ANKIB1: variants seen among roughly 807,000 people sequenced by gnomAD.
ANKIB1 encodes ankyrin repeat and IBR domain containing 1.
A neutral mutation model predicts 122.1 loss-of-function variants in ANKIB1; 43 were observed. The ratio of observed to expected loss-of-function variants is 0.35; its 90% CI spans 0.28 to 0.45. ANKIB1 has a LOEUF of 0.45. Ranked by LOEUF, ANKIB1 falls within the 20% of genes least tolerant of loss-of-function variation. The pLI is 1.00. For synonymous variants in ANKIB1, 390 were observed against 442.0 expected (o/e 0.88, Z 1.48); for missense variants, 992 against 1,329.5 (o/e 0.75, Z 3.95).
rs374371853 is a variant in ANKIB1 at position 92,370,981 on chromosome 7, T to C, written c.1487-496T>C. The stretch of plus-strand genomic sequence containing the variant: ...GATGCTTAGTTTTAGATATGTCACA[T>C]TGAATTAATTTTAAGCTTATCCAGA... On this transcript the variant is annotated intron_variant, in intron 10 of 19. Transcript: ENST00000265742. Among the ~76,000 whole-genome samples the C allele has an allele frequency of 7.2e-5, 11 of 152,288 alleles. 1 individual carries two copies. The highest frequency in any genetic ancestry group is 1.4e-4 in the African/African-American group (6 of 41,564).
Position 92,375,934 on chromosome 7 carries a change from C to G in ANKIB1, c.1617+4327C>G, listed in dbSNP as rs183928934. ...TGTTAGCAGACATTAAAACAACATTCATTTCCTTGTACATCTCCATCAGAG... is the reference window on the plus strand; with the variant it reads ...TGTTAGCAGACATTAAAACAACATTGATTTCCTTGTACATCTCCATCAGAG... On this transcript the variant is annotated intron_variant, in intron 11 of 19. Coordinates refer to ENST00000265742, the MANE Select transcript of ANKIB1 (RefSeq NM_019004.2). Among the ~76,000 whole-genome samples, 10 of 152,354 alleles carry G rather than the reference C, an allele frequency of 6.6e-5. No homozygotes were observed. The East Asian group carries it at 1.9e-3, about 29-fold the overall frequency.
At chr7:92,272,850 A>G (rs959794678) in intron 1 of ANKIB1, among the ~76,000 whole-genome samples, 5 of 152,194 alleles carry the variant, frequency 3.3e-5, no homozygotes, top group Admixed American at 6.5e-5. Context: ...ATAGCCTGCT[A>G]TACACCCAGG....
chr7:92,274,407 G>A (rs1440838211), intron 1 of ANKIB1, among the ~76,000 whole-genome samples: 1 of 152,106 alleles, frequency 6.6e-6, no homozygotes, highest in Admixed American at 6.5e-5. Flanking sequence ...AAATTCCACT[G>A]TAATAAGGTA....
At chr7:92,343,255 C>A in intron 6 of ANKIB1, 23 bp downstream of exon 6, 1 of 1,578,048 alleles carries the variant, frequency 6.3e-7, no homozygotes. Flanking sequence ...ATTCACTGTA[C>A]TTCTCATAGC....
chr7:92,318,177 A>G (rs767487457), intron 3 of ANKIB1, among the ~76,000 whole-genome samples: 1 of 152,214 alleles, frequency 6.6e-6, no homozygotes, highest in African/African-American at 2.4e-5. Context: ...AAAACAATAA[A>G]TAGTGACTGT....
chr7:92,328,512 A>G (rs1803075607), intron 5 of ANKIB1, among the ~76,000 whole-genome samples: 1 of 152,116 alleles, frequency 6.6e-6, no homozygotes, highest in African/African-American at 2.4e-5. Flanking sequence ...TATAATCCTT[A>G]TGACAGGCAT....
intron 1 of ANKIB1, among the ~76,000 whole-genome samples, chr7:92,292,014 T>G (rs1802260705): frequency 6.6e-6 from 1 of 152,192 alleles, no homozygotes; most frequent in Admixed American, 6.5e-5. Flanking sequence ...TGTTTGGTAC[T>G]CCAGTACTTG....
intron 9 of ANKIB1, among the ~76,000 whole-genome samples, chr7:92,361,957 G>C (rs559321193): frequency 4.7e-4 from 71 of 152,140 alleles, no homozygotes; most frequent in African/African-American, 1.7e-3. Flanking sequence ...TTATAGGCAT[G>C]TGCCACCACG....
intron 4 of ANKIB1, among the ~76,000 whole-genome samples, chr7:92,323,246 G>T (rs1331646705): frequency 3.3e-5 from 5 of 152,100 alleles, no homozygotes; most frequent in Non-Finnish European, 7.4e-5. Flanking sequence ...GTATATTAGA[G>T]AATCTTTTTC....
chr7:92,268,040 A>C (rs1801710367), intron 1 of ANKIB1, among the ~76,000 whole-genome samples: 1 of 152,212 alleles, frequency 6.6e-6, no homozygotes, highest in African/African-American at 2.4e-5. Context: ...ATTGGTTTGC[A>C]AACTTAACTA....
At chr7:92,247,942 T>G (rs2131866267) in intron 1 of ANKIB1, among the ~76,000 whole-genome samples, 1 of 152,344 alleles carries the variant, frequency 6.6e-6, no homozygotes, top group East Asian at 1.9e-4. Flanking sequence ...TTGTAACTTC[T>G]CACTGTTCAC....
chr7:92,279,419 T>C lies in ANKIB1; in HGVS notation c.-90-15470T>C, dbSNP rs188458592. Among the ~76,000 whole-genome samples, 640 of 152,308 alleles carry C rather than the reference T, an allele frequency of 4.2e-3. 3 individuals are homozygous for C. The highest frequency in any genetic ancestry group is 5.0e-3 in the South Asian group (24 of 4,830). Reference sequence around the variant, plus strand: ...GCAATTAGCCACTTAATCAGAAATATAGAGTCGATCAGCAGCTCAATTTTA... The same window carrying C: ...GCAATTAGCCACTTAATCAGAAATACAGAGTCGATCAGCAGCTCAATTTTA... On this transcript the variant is annotated intron_variant, in intron 1 of 19. Transcript: ENST00000265742.
chr7:92,309,942 A>AAAAAAAAAT (rs1335765681), intron 3 of ANKIB1, among the ~76,000 whole-genome samples: 2 of 91,818 alleles, frequency 2.2e-5, no homozygotes, highest in African/African-American at 9.7e-5. Context: ...AAAAAAAAAA[A>AAAAAAAAAT]ATATATATAT....
chr7:92,387,638 A>C (rs1250101472), intron 12 of ANKIB1, among the ~76,000 whole-genome samples, 160 bp from the exon 13 acceptor site: 1 of 151,992 alleles, frequency 6.6e-6, no homozygotes. Context: ...TCCGTCTCAA[A>C]AAAAAAAAAA....
At chr7:92,339,760 G>A (rs553385144) in intron 5 of ANKIB1, among the ~76,000 whole-genome samples, 30 of 152,160 alleles carry the variant, frequency 2.0e-4, no homozygotes, top group Non-Finnish European at 3.2e-4. Flanking sequence ...TGTATACGCT[G>A]AGTTTTCCCG....
chr7:92,313,315 C>T (rs1178860319), intron 3 of ANKIB1, among the ~76,000 whole-genome samples: 1 of 152,144 alleles, frequency 6.6e-6, no homozygotes, highest in African/African-American at 2.4e-5. Context: ...GAGCGTTTCA[C>T]ACTTCATTGA....
intron 18 of ANKIB1, among the ~76,000 whole-genome samples, chr7:92,396,970 A>G (rs1469382001): frequency 6.6e-6 from 1 of 152,230 alleles, no homozygotes; most frequent in Non-Finnish European, 1.5e-5. Flanking sequence ...TATTTTAATT[A>G]TTCAACTTTT....
At chr7:92,379,226 T>TA (rs1435018696) in intron 11 of ANKIB1, among the ~76,000 whole-genome samples, 1 of 152,074 alleles carries the variant, frequency 6.6e-6, no homozygotes, top group Admixed American at 6.6e-5. Flanking sequence ...CCATCTCTAC[T>TA]AAAAATACAA....
At chr7:92,250,191 C>T (rs113346200) in intron 1 of ANKIB1, among the ~76,000 whole-genome samples, 8,274 of 151,982 alleles carry the variant, frequency 0.054, 303 homozygotes, top group Non-Finnish European at 0.081. Flanking sequence ...GTCAGGAGTT[C>T]GAGACCAGCC....
Sources: allele counts gnomAD v4.1 joint callset (sites outside exome capture counted in the v4.1 genomes callset), GRCh38; gene constraint gnomAD v4.1.1; transcripts MANE v1.5; gene names NCBI Gene and HGNC (gene_info 2026-07-23, HGNC 2026-07-21).